Variants in KCNQ1 observed in about 807,000 individuals in gnomAD.
KCNQ1 encodes potassium voltage-gated channel subfamily Q member 1.
Under a neutral mutation model 72.4 loss-of-function variants are expected in KCNQ1, and 49 were observed. That is an observed-to-expected ratio of 0.68 (90% CI 0.54 to 0.86). The LOEUF (loss-of-function observed/expected upper bound fraction) is 0.86. KCNQ1 is among the 40% of genes least tolerant of loss of function. The pLI is 0.00. For synonymous variants in KCNQ1, 450 were observed against 412.6 expected (o/e 1.09, Z -1.10); for missense variants, 790 against 945.1 (o/e 0.84, Z 2.15).
Position 2,769,594 on chromosome 11 carries a change from G to C in KCNQ1, c.1590+675G>C, listed in dbSNP as rs181037882. The stretch of plus-strand genomic sequence containing the variant: ...CAGGCATGTCTCCCCTCCTGCCTTG[G>C]GGACATTCCTCGGATGAAGGCGGTG... On this transcript the variant is annotated intron_variant, in intron 12 of 15. Coordinates refer to ENST00000155840, the MANE Select transcript of KCNQ1 (RefSeq NM_000218.3). This position sits in a 1 kb window ranked among gnomAD's most constrained non-coding sequence, Gnocchi z 4.6. 3.9e-3 allele frequency among the ~76,000 whole-genome samples: 600 copies of C among 152,350 alleles called. 1 individual carries two copies. The highest frequency in any genetic ancestry group is 6.5e-3 in the Non-Finnish European group (440 of 68,020).
intron 6 of KCNQ1, among the ~76,000 whole-genome samples, chr11:2,574,594 C>T (rs1848392597): frequency 6.6e-6 from 1 of 152,298 alleles, no homozygotes; most frequent in African/African-American, 2.4e-5. Context: ...ACCATCAGAG[C>T]ATATCTGGGT....
At chr11:2,844,810 T>C (rs571770723) in intron 15 of KCNQ1, among the ~76,000 whole-genome samples, 2 of 152,350 alleles carry the variant, frequency 1.3e-5, no homozygotes, top group East Asian at 3.9e-4. Context: ...CCACAAATGT[T>C]CATCTGTGAT....
In KCNQ1 at chr11:2,653,967, G is replaced by C; in HGVS notation, c.1394-7994G>C. On this transcript the variant is annotated intron_variant, in intron 10 of 15. Transcript: ENST00000155840. This position sits in a 1 kb window ranked among gnomAD's most constrained non-coding sequence, Gnocchi z 5.3. ...GCAAAAACAACAGGTGTCCACTCAA[G>C]CAAGGTATTTTCCTAAGCGGAACTG... The C allele has an allele frequency of 2.5e-6, 1 of 398,688 alleles. No homozygotes were observed. Among genetic ancestry groups the C allele is most frequent in the Non-Finnish European group, 4.4e-6 (1 of 226,074 alleles). The allele number at this position is 398,688 out of a possible 1,614,324, so 24.7% of individuals were successfully genotyped here.
rs1850422108 is a variant in KCNQ1, at chr11:2,682,853, G to A, written c.1514+20772G>A. 2.5e-6 allele frequency: 1 copy of A among 398,492 alleles called. No homozygotes were observed. The allele number at this position is 398,492 out of a possible 1,614,324, so 24.7% of individuals were successfully genotyped here. Reference sequence around the variant, plus strand: ...GTATAGAAGAGACCATCTCAGTTTTGTAGACCAGGAAACTGAGGCTTGGGG... The same window carrying A: ...GTATAGAAGAGACCATCTCAGTTTTATAGACCAGGAAACTGAGGCTTGGGG... On this transcript the variant is annotated intron_variant, in intron 11 of 15. Coordinates refer to ENST00000155840, the MANE Select transcript of KCNQ1 (RefSeq NM_000218.3). The surrounding 1 kb of genome is among the most constrained non-coding windows in gnomAD (Gnocchi z 5.8).
At chr11:2,811,356 C>T (rs1194821503) in intron 15 of KCNQ1, among the ~76,000 whole-genome samples, 1 of 152,254 alleles carries the variant, frequency 6.6e-6, no homozygotes, top group Non-Finnish European at 1.5e-5. Context: ...CTCCTCCACC[C>T]TTATCAGTGC....
At chr11:2,629,609 C>G (rs1849319810) in intron 10 of KCNQ1, 2 of 398,422 alleles carry the variant, frequency 5.0e-6, no homozygotes, top group Non-Finnish European at 8.9e-6. Context: ...ATTGAATGGA[C>G]ATGGCATGCT....
intron 11 of KCNQ1, chr11:2,667,470 G>A (rs185336261): frequency 4.8e-4 from 191 of 398,554 alleles, no homozygotes; most frequent in South Asian, 8.9e-4. Flanking sequence ...GATGGTGTTG[G>A]AGGATGTGAC....
Position 2,588,572 on chromosome 11 carries a change from C to T in KCNQ1, c.1252-141C>T. The T allele has an allele frequency of 1.0e-6, 1 of 1,002,544 alleles. No individual in the cohort carries two copies. 62.1% of individuals were successfully genotyped at this position (1,002,544 alleles called of 1,614,324 possible). A position where few individuals can be genotyped will look rare whatever the true frequency, so the allele number is the denominator to read the frequency against. ...CTGTCTCTGTGTGAAGACACTGGAG[C>T]TGGCCCCAGGCCTCAGGTCCCTGTC... On this transcript the variant is annotated intron_variant, in intron 9 of 15. Coordinates refer to ENST00000155840, the MANE Select transcript of KCNQ1 (RefSeq NM_000218.3). This position sits in a 1 kb window ranked among gnomAD's most constrained non-coding sequence, Gnocchi z 5.6.
chr11:2,546,636 A>T (rs12803428), intron 2 of KCNQ1, among the ~76,000 whole-genome samples: 36,316 of 141,302 alleles, frequency 0.26, 4,978 homozygotes, highest in African/African-American at 0.44. Context: ...AATGTATTTT[A>T]TTTTTTGCTT....
Position 2,494,830 on chromosome 11 carries a change from G to A in KCNQ1, c.387-33098G>A, listed in dbSNP as rs1326796794. Among the ~76,000 whole-genome samples the A allele has an allele frequency of 6.6e-6, 1 of 152,158 alleles. No individual in the cohort carries two copies. The highest frequency in any genetic ancestry group is 2.4e-5 in the African/African-American group (1 of 41,436). Reference sequence around the variant, plus strand: ...TTTTGTGTGTCGCTGCCAAATTTTGGTATCAGGATGATGCTGGCCTCATAA... The same window carrying A: ...TTTTGTGTGTCGCTGCCAAATTTTGATATCAGGATGATGCTGGCCTCATAA... On this transcript the variant is annotated intron_variant, in intron 1 of 15. Transcript: ENST00000155840. The surrounding 1 kb of genome is among the most constrained non-coding windows in gnomAD (Gnocchi z 4.6).
intron 2 of KCNQ1, among the ~76,000 whole-genome samples, chr11:2,548,923 A>G (rs1252904093): frequency 6.6e-6 from 1 of 152,190 alleles, no homozygotes; most frequent in South Asian, 2.1e-4. Flanking sequence ...AAGGGGCCCT[A>G]CTGTCCCCCG....
chr11:2,848,785 C>A lies in KCNQ1; in HGVS notation c.*782C>A. On this transcript the variant is annotated 3_prime_UTR_variant, in exon 16 of 16. Coordinates refer to ENST00000155840, the MANE Select transcript of KCNQ1 (RefSeq NM_000218.3). The stretch of plus-strand genomic sequence containing the variant: ...CCCAGTCCCAGCAGCCAGCCAAACA[C>A]ACAGAAGGGGACTGCCACCTCCCCT... 2.2e-6 allele frequency: 1 copy of A among 454,156 alleles called. No homozygotes were observed. The highest frequency in any genetic ancestry group is 4.4e-6 in the Non-Finnish European group (1 of 226,804). The allele number at this position is 454,156 out of a possible 1,614,324, so 28.1% of individuals were successfully genotyped here. A position where few individuals can be genotyped will look rare whatever the true frequency, so the allele number is the denominator to read the frequency against.
At chr11:2,570,329 C>T (rs72482705) in intron 2 of KCNQ1, among the ~76,000 whole-genome samples, 132 of 143,744 alleles carry the variant, frequency 9.2e-4, no homozygotes, top group South Asian at 2.7e-3. Flanking sequence ...GTGTGGGGCC[C>T]CCTCTGGCCA....
rs997998795 is a variant in KCNQ1, at chr11:2,698,199, GA to G, written c.1514+36121del. 3 of 398,520 alleles carry G rather than the reference GA, an allele frequency of 7.5e-6. No individual in the cohort carries two copies. The highest frequency in any genetic ancestry group is 6.2e-5 in the African/African-American group (3 of 48,630). The allele number at this position is 398,520 out of a possible 1,614,324, so 24.7% of individuals were successfully genotyped here. ...CTAGCAAAAGGGGCACCACAGTAAA[GA>G]AAGAACTGGTAAATGCACATCAAAT... On this transcript the variant is annotated intron_variant, in intron 11 of 15. Transcript: ENST00000155840. The surrounding 1 kb of genome is among the most constrained non-coding windows in gnomAD (Gnocchi z 5.1).
chr11:2,839,394 G>T (rs562731550), intron 15 of KCNQ1, among the ~76,000 whole-genome samples: 1 of 152,258 alleles, frequency 6.6e-6, no homozygotes. Flanking sequence ...GCCTCTGCAG[G>T]TCTGTGAGGC....
chr11:2,628,444 A>C (rs1849295397), intron 10 of KCNQ1: 1 of 398,362 alleles, frequency 2.5e-6, no homozygotes, highest in Non-Finnish European at 4.4e-6. Context: ...TCTTTGAATA[A>C]ATGTCTATTC....
At chr11:2,741,771 A>G (rs1846055745) in intron 11 of KCNQ1, among the ~76,000 whole-genome samples, 1 of 152,224 alleles carries the variant, frequency 6.6e-6, no homozygotes, top group Admixed American at 6.5e-5. Flanking sequence ...GCGGGCGCGC[A>G]GACAGCTGGG....
At chr11:2,586,222 C>A (rs950098202) in intron 8 of KCNQ1, among the ~76,000 whole-genome samples, 3 of 152,190 alleles carry the variant, frequency 2.0e-5, no homozygotes. Context: ...ACCTGGGCAG[C>A]CCCCGCTGGC....
intron 10 of KCNQ1, chr11:2,629,869 CAG>C (rs1485013694): frequency 1.3e-5 from 5 of 397,910 alleles, no homozygotes; most frequent in African/African-American, 6.2e-5. Context: ...CATCTGCAAA[CAG>C]AGACAATTTT....
Sources: gnomAD v4.1 joint callset for allele counts (sites outside exome capture counted in the v4.1 genomes callset) on GRCh38, gnomAD v4.1.1 for gene constraint, Gnocchi (gnomAD v3.1) non-coding constraint, MANE v1.5 for transcripts, NCBI Gene and HGNC (gene_info 2026-07-23, HGNC 2026-07-21) for gene names.